Variants in MAP7D1 observed in about 807,000 individuals in gnomAD.
The protein encoded by MAP7D1 is MAP7 domain-containing protein 1.
In MAP7D1, 30 loss-of-function variants were observed where a neutral mutation model predicts 97.5. That is an observed-to-expected ratio of 0.31 (90% CI 0.23 to 0.42). The LOEUF (loss-of-function observed/expected upper bound fraction) is 0.42. Ranked by LOEUF, MAP7D1 falls within the 10% of genes least tolerant of loss-of-function variation. The pLI, the probability that MAP7D1 is intolerant of heterozygous loss-of-function variation, is 1.00. For missense variants in MAP7D1, 1,184 were observed against 1,179.5 expected, an observed-to-expected ratio of 1.00 and a Z score of -0.06; for synonymous variants, 536 against 477.1, an observed-to-expected ratio of 1.12 and a Z score of -1.61.
chr1:36,162,013 C>CT (rs1644419648), intron 1 of MAP7D1, among the ~76,000 whole-genome samples: 1 of 152,030 alleles, frequency 6.6e-6, no homozygotes, highest in Non-Finnish European at 1.5e-5. Flanking sequence ...TCCCATGTGT[C>CT]TCTGCCCTCT....
In MAP7D1 at chr1:36,156,338, G is replaced by T; in HGVS notation, c.-80G>T. The T allele has an allele frequency of 2.4e-6, 3 of 1,257,378 alleles. No individual in the cohort carries two copies. Among genetic ancestry groups the T allele is most frequent in the Non-Finnish European group, 3.1e-6 (3 of 954,688 alleles). The allele number at this position is 1,257,378 out of a possible 1,614,324, so 77.9% of individuals were successfully genotyped here. ...GGCCGGGCCGGGCCGGGCGTGATGCGCCGCGGGACCCCTGTCCTGGCCACT... is the reference window on the plus strand; with the variant it reads ...GGCCGGGCCGGGCCGGGCGTGATGCTCCGCGGGACCCCTGTCCTGGCCACT... On this transcript the variant is annotated 5_prime_UTR_variant, in exon 1 of 17. Transcript: ENST00000474796.
chr1:36,158,262 A>C (rs1406403560), intron 1 of MAP7D1, among the ~76,000 whole-genome samples: 1 of 151,942 alleles, frequency 6.6e-6, no homozygotes, highest in Non-Finnish European at 1.5e-5. Context: ...TCACATGAGA[A>C]CCTGGATCAG....
Position 36,180,083 on chromosome 1 carries a change from C to T in MAP7D1, c.2512+16C>T. 1.2e-6 allele frequency: 2 copies of T among 1,612,812 alleles called. No individual in the cohort carries two copies. Among genetic ancestry groups the T allele is most frequent in the African/African-American group, 1.3e-5 (1 of 75,042 alleles). On this transcript the variant is annotated intron_variant, in intron 16 of 16. Transcript: ENST00000474796. ...CAGGTCACAGGTAGATCTCCTGATT[C>T]CTGGACCCAGCTCCATTCCTCCCAG...
At chr1:36,178,272 C>T (rs1644660177) in intron 9 of MAP7D1, 71 bp downstream of exon 9, 2 of 1,480,106 alleles carry the variant, frequency 1.4e-6, no homozygotes, top group South Asian at 2.7e-5. Flanking sequence ...GGGTGTGGGC[C>T]GCCAGAGATG....
rs1424231203 is a variant in MAP7D1, at chr1:36,176,676, C to T, written c.1234-21C>T. On this transcript the variant is annotated intron_variant, in intron 7 of 16. Coordinates refer to ENST00000474796, the MANE Select transcript of MAP7D1 (RefSeq NM_001388490.1). This position sits in a 1 kb window ranked among gnomAD's most constrained non-coding sequence, Gnocchi z 6.1. ...CGCTGCTGACCTCTACTCTCCTCTTCCGTTCCTCCTTCCCTGCCAGGTGCA... is the reference window on the plus strand; with the variant it reads ...CGCTGCTGACCTCTACTCTCCTCTTTCGTTCCTCCTTCCCTGCCAGGTGCA... The T allele has an allele frequency of 1.2e-6, 2 of 1,604,504 alleles. No homozygotes were observed. Among genetic ancestry groups the T allele is most frequent in the Admixed American group, 1.7e-5 (1 of 58,760 alleles).
chr1:36,156,347 C>A lies in MAP7D1; in HGVS notation c.-71C>A. ...GGGCCGGGCGTGATGCGCCGCGGGACCCCTGTCCTGGCCACTGGCCGCCGC... is the reference window on the plus strand; with the variant it reads ...GGGCCGGGCGTGATGCGCCGCGGGAACCCTGTCCTGGCCACTGGCCGCCGC... On this transcript the variant is annotated 5_prime_UTR_variant, in exon 1 of 17. Transcript: ENST00000474796. 7.4e-7 allele frequency: 1 copy of A among 1,347,126 alleles called. No individual in the cohort carries two copies. The highest frequency in any genetic ancestry group is 9.9e-7 in the Non-Finnish European group (1 of 1,010,984). The allele number at this position is 1,347,126 out of a possible 1,614,324, so 83.4% of individuals were successfully genotyped here. A position where few individuals can be genotyped will look rare whatever the true frequency, so the allele number is the denominator to read the frequency against.
At chr1:36,157,612 CAG>C (rs1257161299) in intron 1 of MAP7D1, among the ~76,000 whole-genome samples, 2 of 152,176 alleles carry the variant, frequency 1.3e-5, no homozygotes, top group East Asian at 1.9e-4. Context: ...CCCATTGACT[CAG>C]GGGGGAGGTG....
At chr1:36,178,342 C>T in intron 9 of MAP7D1, 77 bp from the exon 10 acceptor site, 1 of 1,514,782 alleles carries the variant, frequency 6.6e-7, no homozygotes, top group Non-Finnish European at 8.9e-7. Context: ...AGTCCCAGGC[C>T]CAGAACACAG....
rs369650980 is a variant in MAP7D1, at chr1:36,172,570, C to T, written c.567C>T (p.Ala189=). ...GGCTGGAGGAGCAACGTCTTAAAGC[C>T]GAGCAACGCCGTGCAGCCCTGGAGG... The part of the protein sequence containing the change: ...RRRLEEQRLK[A]EQRRAALEER... The change falls in exon 4 of 17, where the codon GCC becomes GCT. Residue 189 remains alanine, a synonymous_variant. Coordinates refer to ENST00000474796, the MANE Select transcript of MAP7D1 (RefSeq NM_001388490.1). The T allele has an allele frequency of 2.6e-4, 414 of 1,595,482 alleles. 7 individuals carry two copies. The highest frequency in any genetic ancestry group is 5.2e-5 in the Non-Finnish European group (61 of 1,165,266).
At position 36,171,214 on chromosome 1, in the gene MAP7D1, C is replaced by T. The variant is rs1255954973; in HGVS notation, c.290C>T (p.Thr97Ile). Reference sequence around the variant, plus strand: ...TCTGAAGCAAAGAGCAGAGGACCCACCCCACCAGCCATGGGCCCACGGGAT... The same window carrying T: ...TCTGAAGCAAAGAGCAGAGGACCCATCCCACCAGCCATGGGCCCACGGGAT... ...PSSEAKSRGP[T>I]PPAMGPRDAR... Residue 97 changes from threonine (T) to isoleucine (I), a missense_variant, in exon 2 of 17, where the codon ACC becomes ATC. Coordinates refer to ENST00000474796, the MANE Select transcript of MAP7D1 (RefSeq NM_001388490.1). 3 of 1,612,772 alleles carry T rather than the reference C, an allele frequency of 1.9e-6. No homozygotes were observed. The highest frequency in any genetic ancestry group is 1.1e-5 in the South Asian group (1 of 90,970).
intron 1 of MAP7D1, among the ~76,000 whole-genome samples, chr1:36,160,696 G>A (rs1557770817): frequency 6.6e-6 from 1 of 152,220 alleles, no homozygotes; most frequent in Non-Finnish European, 1.5e-5. Context: ...GAATTATCAT[G>A]GCTAAGCTAT....
chr1:36,172,409 GC>G, intron 3 of MAP7D1, 54 bp from the exon 4 acceptor site: 1 of 1,392,728 alleles, frequency 7.2e-7, no homozygotes, highest in South Asian at 1.7e-5. Flanking sequence ...AATGTCCTTG[GC>G]CCAGGCCTTC....
In MAP7D1 at chr1:36,179,680, G is replaced by C; in HGVS notation, c.2242G>C (p.Val748Leu). The change falls in exon 15 of 17, where the codon GTG becomes CTG. Residue 748 changes from valine to leucine, a missense_variant. By Grantham distance (32) the Val-to-Leu change is conservative. Coordinates refer to ENST00000474796, the MANE Select transcript of MAP7D1 (RefSeq NM_001388490.1). ...NGSSPEPVKA[V>L]EARSPGLQKE... ...CCCTGTGACAGAGCCTGTGAAAGCTGTGGAGGCTCGGTCCCCAGGGCTGCA... is the reference window on the plus strand; with the variant it reads ...CCCTGTGACAGAGCCTGTGAAAGCTCTGGAGGCTCGGTCCCCAGGGCTGCA... 2 of 1,525,226 alleles carry C rather than the reference G, an allele frequency of 1.3e-6. No homozygotes were observed. The highest frequency in any genetic ancestry group is 1.8e-6 in the Non-Finnish European group (2 of 1,134,160). 94.5% of individuals were successfully genotyped at this position (1,525,226 alleles called of 1,614,324 possible). A position where few individuals can be genotyped will look rare whatever the true frequency, so the allele number is the denominator to read the frequency against.
Position 36,176,284 on chromosome 1 carries a change from C to T in MAP7D1, c.936C>T (p.Arg312=), listed in dbSNP as rs1362067765. 1.3e-6 allele frequency: 2 copies of T among 1,597,666 alleles called. No homozygotes were observed. Among genetic ancestry groups the T allele is most frequent in the Non-Finnish European group, 1.7e-6 (2 of 1,174,402 alleles). ...TPTLSFLARS[R]SAVTLPRNGR... is the part of the protein sequence containing the mutation. ...CTCTCTCCTTCCTTGCTCGGAGTCG[C>T]AGCGCGGTCACACTGCCCCGCAACG... Residue 312 remains arginine, a synonymous_variant, in exon 7 of 17, where the codon CGC becomes CGT. Coordinates refer to ENST00000474796, the MANE Select transcript of MAP7D1 (RefSeq NM_001388490.1). This position sits in a 1 kb window ranked among gnomAD's most constrained non-coding sequence, Gnocchi z 6.1.
chr1:36,178,635 G>T (rs757263491), intron 10 of MAP7D1, 39 bp downstream of exon 10: 1 of 1,542,996 alleles, frequency 6.5e-7, no homozygotes, highest in African/African-American at 1.4e-5. Flanking sequence ...CCTCGTGGGC[G>T]CTGGAGAAGA....
chr1:36,166,389 C>CTT lies in MAP7D1; in HGVS notation c.47-4565_47-4564dup, dbSNP rs536815195. On this transcript the variant is annotated intron_variant, in intron 1 of 16. Transcript: ENST00000474796. ...TGTCAGAGGAGTGACGTGATCTGACCTTTTTTTTTTTTTTTTTTGAGACAG... is the reference window on the plus strand; with the variant it reads ...TGTCAGAGGAGTGACGTGATCTGACCTTTTTTTTTTTTTTTTTTTTGAGACAG... Among the ~76,000 whole-genome samples the CTT allele has an allele frequency of 4.2e-3, 559 of 132,246 alleles. 7 individuals are homozygous for CTT. The highest frequency in any genetic ancestry group is 0.014 in the African/African-American group (484 of 35,336). The allele number at this position is 132,246 out of a possible 152,430, so 86.8% of individuals were successfully genotyped here. A position where few individuals can be genotyped will look rare whatever the true frequency, so the allele number is the denominator to read the frequency against.
At chr1:36,171,798 G>A (rs1644547236) in intron 3 of MAP7D1, 1 of 411,198 alleles carries the variant, frequency 2.4e-6, no homozygotes, top group South Asian at 2.2e-5. Flanking sequence ...GCCAGGCATG[G>A]TGGCACATCC....
Position 36,156,200 on chromosome 1 carries a change from A to G in MAP7D1, c.-218A>G. 1 of 418,010 alleles carries G rather than the reference A, an allele frequency of 2.4e-6. No individual in the cohort carries two copies. Among genetic ancestry groups the G allele is most frequent in the Non-Finnish European group, 4.2e-6 (1 of 238,878 alleles). The allele number at this position is 418,010 out of a possible 1,614,324, so 25.9% of individuals were successfully genotyped here. On this transcript the variant is annotated 5_prime_UTR_variant, in exon 1 of 17. Coordinates refer to ENST00000474796, the MANE Select transcript of MAP7D1 (RefSeq NM_001388490.1). The stretch of plus-strand genomic sequence containing the variant: ...GGACTGGGCCGGCGCCGGGCGGGGA[A>G]CGGGTTCGCGACCGCAGCCGAGAGA...
rs746422215 is a variant in MAP7D1, at chr1:36,178,853, C to T, written c.2025+30C>T. On this transcript the variant is annotated intron_variant, in intron 11 of 16. Coordinates refer to ENST00000474796, the MANE Select transcript of MAP7D1 (RefSeq NM_001388490.1). ...CCCCGGCGGGCGGGAAGCGGCTGGG[C>T]GCGGGCGCCGCGGGCCGGGAGGGAA... 3 of 1,544,822 alleles carry T rather than the reference C, an allele frequency of 1.9e-6. No individual in the cohort carries two copies. The South Asian group carries it at 3.6e-5, about 18-fold the overall frequency.
Sources: allele counts gnomAD v4.1 joint callset (sites outside exome capture counted in the v4.1 genomes callset), GRCh38; gene constraint gnomAD v4.1.1; non-coding constraint Gnocchi (gnomAD v3.1); transcripts MANE v1.5; gene names NCBI Gene and HGNC (gene_info 2026-07-23, HGNC 2026-07-21).